PGAP1: variants seen among roughly 807,000 people sequenced by gnomAD.
PGAP1 encodes post-GPI attachment to proteins inositol deacylase 1.
Under a neutral mutation model 127.0 loss-of-function variants are expected in PGAP1, and 76 were observed. The observed-to-expected ratio is 0.60, with a 90% CI of 0.50 to 0.72. The LOEUF (loss-of-function observed/expected upper bound fraction) is 0.72, where lower values mean the gene tolerates loss of function less well. Among genes scored for constraint, PGAP1 ranks in the 30% least tolerant of loss-of-function variants. PGAP1 has a pLI of 0.00. For synonymous variants in PGAP1, 362 were observed against 366.5 expected (o/e 0.99, Z 0.14); for missense variants, 982 against 1,071.3 (o/e 0.92, Z 1.16).
At chr2:196,900,343 A>G (rs149235423) in intron 5 of PGAP1, among the ~76,000 whole-genome samples, 1 of 152,358 alleles carries the variant, frequency 6.6e-6, no homozygotes, top group African/African-American at 2.4e-5. Flanking sequence ...GGACTATATT[A>G]CAGCAGTTTA....
At chr2:196,923,864 G>A (rs1162078571) in intron 1 of PGAP1, among the ~76,000 whole-genome samples, 3 of 152,066 alleles carry the variant, frequency 2.0e-5, no homozygotes, top group Non-Finnish European at 4.4e-5. Context: ...AAGATAGCCA[G>A]ACAAATCACT....
intron 1 of PGAP1, among the ~76,000 whole-genome samples, chr2:196,926,092 C>T (rs975760712): frequency 1.3e-5 from 2 of 151,926 alleles, no homozygotes; most frequent in African/African-American, 4.8e-5. Flanking sequence ...AGGGATGGAG[C>T]TTCGGTTTAG....
chr2:196,924,374 A>T (rs895454598), intron 1 of PGAP1, among the ~76,000 whole-genome samples: 10 of 152,192 alleles, frequency 6.6e-5, no homozygotes, highest in African/African-American at 2.4e-4. Context: ...AATATGTAAA[A>T]TATCTTTAAA....
At chr2:196,914,187 T>C (rs1380317519) in intron 3 of PGAP1, among the ~76,000 whole-genome samples, 32 of 152,236 alleles carry the variant, frequency 2.1e-4, no homozygotes, top group Admixed American at 2.0e-3. Flanking sequence ...TCTTGCATTA[T>C]TGCTTTTCCC....
At chr2:196,901,822 A>G (rs1196718480) in intron 5 of PGAP1, among the ~76,000 whole-genome samples, 1 of 152,238 alleles carries the variant, frequency 6.6e-6, no homozygotes, top group Non-Finnish European at 1.5e-5. Context: ...ATTCAGAAGT[A>G]TGTGATATAT....
chr2:196,916,376 C>A lies in PGAP1; in HGVS notation c.477+42G>T, dbSNP rs376141060. 5.4e-6 allele frequency: 8 copies of A among 1,469,680 alleles called. No homozygotes were observed. In the South Asian group the frequency reaches 8.7e-5, roughly 16 times the overall value. The allele number at this position is 1,469,680 out of a possible 1,614,324, so 91.0% of individuals were successfully genotyped here. On this transcript the variant is annotated intron_variant, in intron 3 of 26. Coordinates refer to ENST00000354764, the MANE Select transcript of PGAP1 (RefSeq NM_024989.4). Reference sequence around the variant, plus strand: ...CTGAATCCCTTTTTTAAAAAGGTGCCGATAGGTTGCACCACTATTGATTTG... The same window carrying A: ...CTGAATCCCTTTTTTAAAAAGGTGCAGATAGGTTGCACCACTATTGATTTG...
intron 19 of PGAP1, among the ~76,000 whole-genome samples, chr2:196,869,403 T>A (rs1030798709): frequency 2.6e-5 from 4 of 152,144 alleles, no homozygotes; most frequent in African/African-American, 7.2e-5. Context: ...TGGCGCGATC[T>A]CTGCTCACTG....
chr2:196,920,241 AAT>A (rs1703145100), intron 1 of PGAP1, 91 bp from the exon 2 acceptor site: 1 of 1,086,440 alleles, frequency 9.2e-7, no homozygotes, highest in Non-Finnish European at 1.3e-6. Flanking sequence ...GCAAATTTGA[AAT>A]AGTGCAATAT....
chr2:196,874,927 G>A (rs778308421), intron 14 of PGAP1, among the ~76,000 whole-genome samples: 27 of 152,060 alleles, frequency 1.8e-4, no homozygotes, highest in Non-Finnish European at 2.8e-4. Flanking sequence ...GAGGTGGAAG[G>A]ATCGCTTAAG....
intron 25 of PGAP1, among the ~76,000 whole-genome samples, chr2:196,843,173 T>C (rs1379411999): frequency 6.6e-6 from 1 of 152,060 alleles, no homozygotes; most frequent in Non-Finnish European, 1.5e-5. Context: ...AAAGATAAAA[T>C]GAAGGTTCAT....
At chr2:196,901,332 T>C (rs1702480731) in intron 5 of PGAP1, among the ~76,000 whole-genome samples, 1 of 152,192 alleles carries the variant, frequency 6.6e-6, no homozygotes, top group Non-Finnish European at 1.5e-5. Context: ...GCAGAATAGC[T>C]TAATAATTTT....
In PGAP1 at chr2:196,833,623, A is replaced by G. The variant is rs562245686; in HGVS notation, c.*7611T>C. ...CAATAAGATCATGTTTTAAGGAAAG[A>G]CATTTTCTTTGTATGTGTTTTTAGA... On this transcript the variant is annotated 3_prime_UTR_variant, in exon 27 of 27. Coordinates refer to ENST00000354764, the MANE Select transcript of PGAP1 (RefSeq NM_024989.4). 6.6e-6 allele frequency: 1 copy of G among 152,246 alleles called. No individual in the cohort carries two copies. The highest frequency in any genetic ancestry group is 2.1e-4 in the South Asian group (1 of 4,824). 9.4% of individuals were successfully genotyped at this position (152,246 alleles called of 1,614,324 possible). A position where few individuals can be genotyped will look rare whatever the true frequency, so the allele number is the denominator to read the frequency against.
chr2:196,844,584 AT>A lies in PGAP1; in HGVS notation c.2287-11del. 6.3e-7 allele frequency: 1 copy of A among 1,576,354 alleles called. No individual in the cohort carries two copies. Among genetic ancestry groups the A allele is most frequent in the Non-Finnish European group, 8.6e-7 (1 of 1,160,804 alleles). On this transcript the variant is annotated splice_polypyrimidine_tract_variant and intron_variant, in intron 23 of 26. Transcript: ENST00000354764. ...CTTGCAGATGAACAACCTAAGAAAA[AT>A]AAATTGCTCTTTAATTTTACTTTTA...
chr2:196,841,293 T>C lies in PGAP1; in HGVS notation c.2710A>G (p.Arg904Gly), dbSNP rs767327327. 1 of 1,613,884 alleles carries C rather than the reference T, an allele frequency of 6.2e-7. No homozygotes were observed. The highest frequency in any genetic ancestry group is 8.5e-7 in the Non-Finnish European group (1 of 1,179,866). Residue 904 changes from arginine to glycine, a missense_variant, in exon 27 of 27, where the codon AGG becomes GGG. Coordinates refer to ENST00000354764, the MANE Select transcript of PGAP1 (RefSeq NM_024989.4). ...VIAFGSAHLY[R>G]LPCFVFIPLL... is the part of the protein sequence containing the mutation. Reference sequence around the variant, plus strand: ...GGAATGAAGACAAAGCATGGAAGCCTATATAAATGTGCTGACCCAAAAGCA... The same window carrying C: ...GGAATGAAGACAAAGCATGGAAGCCCATATAAATGTGCTGACCCAAAAGCA...
At position 196,912,944 on chromosome 2, in the gene PGAP1, A is replaced by G; in HGVS notation, c.587T>C (p.Leu196Pro). 1 of 1,613,922 alleles carries G rather than the reference A, an allele frequency of 6.2e-7. No individual in the cohort carries two copies. ...ATGAGGTGTGGCTTGTGTAATAAGA[A>G]GATTTATCAGATCATGCTTAAAATT... ...LKNFKHDLIN[L>P]LITQATPHVA... The change falls in exon 4 of 27, where the codon CTT (leucine) becomes CCT (proline). Residue 196 changes from leucine (L) to proline (P), a missense_variant. By Grantham distance (98) the Leu-to-Pro change is moderately conservative (BLOSUM62 -3). Coordinates refer to ENST00000354764, the MANE Select transcript of PGAP1 (RefSeq NM_024989.4).
intron 17 of PGAP1, 75 bp from the exon 18 acceptor site, chr2:196,872,624 C>T: frequency 1.0e-6 from 1 of 995,046 alleles, no homozygotes; most frequent in Non-Finnish European, 1.6e-6. Context: ...TAATCCTCAG[C>T]ACAATACAAC....
intron 14 of PGAP1, among the ~76,000 whole-genome samples, chr2:196,874,516 C>T (rs552363091): frequency 2.0e-4 from 31 of 151,778 alleles, no homozygotes; most frequent in Non-Finnish European, 4.0e-4. Context: ...AGTATGTCAC[C>T]CCAGATATTT....
intron 19 of PGAP1, among the ~76,000 whole-genome samples, chr2:196,868,034 A>C (rs1193463960): frequency 6.6e-6 from 1 of 151,868 alleles, no homozygotes; most frequent in Non-Finnish European, 1.5e-5. Flanking sequence ...CAGGAGTCAG[A>C]CTCCTGGATT....
At chr2:196,919,561 C>T (rs1474380163) in intron 2 of PGAP1, among the ~76,000 whole-genome samples, 2 of 152,180 alleles carry the variant, frequency 1.3e-5, no homozygotes, top group East Asian at 3.9e-4. Context: ...CCCCCCAGTA[C>T]TTCCAAATCT....
Sources: gnomAD v4.1 joint callset for allele counts (sites outside exome capture counted in the v4.1 genomes callset) on GRCh38, gnomAD v4.1.1 for gene constraint, MANE v1.5 for transcripts, NCBI Gene and HGNC (gene_info 2026-07-23, HGNC 2026-07-21) for gene names.